Variants in TMEM156 observed in about 807,000 individuals in gnomAD.
The protein encoded by TMEM156 is transmembrane protein 156.
TMEM156 carries 28 observed loss-of-function variants against 30.5 expected under a neutral mutation model. The ratio of observed to expected loss-of-function variants is 0.92; its 90% CI spans 0.68 to 1.26. The LOEUF is 1.26. Among genes scored for constraint, TMEM156 ranks in the 50% most tolerant of loss-of-function variants. The probability of loss-of-function intolerance (pLI) is 0.00; values close to 1 mark genes in which losing one functional copy is unlikely to be tolerated. For synonymous variants in TMEM156, 137 were observed against 119.9 expected (o/e 1.14, Z -0.93); for missense variants, 351 against 340.6 (o/e 1.03, Z -0.24).
chr4:39,027,758 CTTTTTTTT>C (rs112766367), intron 1 of TMEM156, among the ~76,000 whole-genome samples: 1 of 120,770 alleles, frequency 8.3e-6, no homozygotes, highest in Non-Finnish European at 1.7e-5. Context: ...TTTTCTTTTT[CTTTTTTTT>C]TTTTTTTTGA....
intron 1 of TMEM156, among the ~76,000 whole-genome samples, chr4:39,015,199 A>T (rs1039439688): frequency 6.6e-6 from 1 of 151,966 alleles, no homozygotes; most frequent in Non-Finnish European, 1.5e-5. Flanking sequence ...TTTATTATTC[A>T]GTTTTGGCAG....
At chr4:38,968,438 A>G (rs1429954076) in intron 6 of TMEM156, among the ~76,000 whole-genome samples, 2 of 152,136 alleles carry the variant, frequency 1.3e-5, no homozygotes, top group Non-Finnish European at 2.9e-5. Context: ...TTGAGTCTTT[A>G]TTGGAATTAG....
At chr4:38,978,640 G>A (rs569700918) in intron 5 of TMEM156, among the ~76,000 whole-genome samples, 53 of 152,190 alleles carry the variant, frequency 3.5e-4, no homozygotes, top group South Asian at 8.3e-4. Context: ...ATCAGCACAC[G>A]ATCAGCACAC....
intron 4 of TMEM156, 80 bp from the exon 5 acceptor site, chr4:38,986,499 G>T (rs1397993349): frequency 1.8e-6 from 2 of 1,096,572 alleles, no homozygotes; most frequent in Non-Finnish European, 2.7e-6. Flanking sequence ...TGGTTCAAAG[G>T]ATTACCAAAA....
chr4:39,027,914 G>A (rs1375323731), intron 1 of TMEM156, among the ~76,000 whole-genome samples: 2 of 151,880 alleles, frequency 1.3e-5, no homozygotes, highest in Non-Finnish European at 2.9e-5. Flanking sequence ...GCACTGCCAT[G>A]CCCGGCTAAT....
intron 1 of TMEM156, among the ~76,000 whole-genome samples, chr4:39,018,355 T>G (rs928631797): frequency 7.2e-5 from 11 of 152,176 alleles, no homozygotes; most frequent in African/African-American, 2.4e-4. Context: ...ATTAGTTGAG[T>G]TTTTAAATTT....
chr4:38,970,939 A>G, intron 6 of TMEM156, 93 bp downstream of exon 6: 1 of 765,826 alleles, frequency 1.3e-6, no homozygotes, highest in Non-Finnish European at 2.1e-6. Flanking sequence ...TCTACCTCCT[A>G]CCAGATAGAA....
chr4:39,028,317 C>A (rs948330393), intron 1 of TMEM156: 18 of 152,284 alleles, frequency 1.2e-4, no homozygotes, highest in African/African-American at 4.1e-4. Flanking sequence ...TAATCGTCAT[C>A]ATTTCTTCTC....
intron 6 of TMEM156, among the ~76,000 whole-genome samples, chr4:38,970,561 T>A (rs1407166414): frequency 6.6e-6 from 1 of 152,080 alleles, no homozygotes; most frequent in Admixed American, 6.5e-5. Flanking sequence ...ATTTGATGAA[T>A]GAATAAAAAA....
chr4:39,000,381 G>T (rs1391430375), intron 1 of TMEM156, among the ~76,000 whole-genome samples: 1 of 152,104 alleles, frequency 6.6e-6, no homozygotes, highest in African/African-American at 2.4e-5. Context: ...AACAAAGGGA[G>T]ACCATGTCTC....
At chr4:38,978,894 C>CA (rs1723033946) in intron 5 of TMEM156, among the ~76,000 whole-genome samples, 1 of 152,090 alleles carries the variant, frequency 6.6e-6, no homozygotes, top group East Asian at 1.9e-4. Flanking sequence ...GGGATCCTCC[C>CA]ACCTGAGGCT....
At chr4:39,010,918 A>G (rs543988825) in intron 1 of TMEM156, among the ~76,000 whole-genome samples, 1 of 152,262 alleles carries the variant, frequency 6.6e-6, no homozygotes, top group African/African-American at 2.4e-5. Context: ...CAATTGGAAC[A>G]TTATTAAACT....
chr4:38,971,440 G>A (rs941137914), intron 5 of TMEM156, among the ~76,000 whole-genome samples: 1 of 152,190 alleles, frequency 6.6e-6, no homozygotes, highest in Non-Finnish European at 1.5e-5. Flanking sequence ...GAAACTGACT[G>A]CAAACATTTT....
At chr4:39,016,289 C>T (rs1714476201) in intron 1 of TMEM156, among the ~76,000 whole-genome samples, 1 of 151,476 alleles carries the variant, frequency 6.6e-6, no homozygotes, top group Admixed American at 6.6e-5. Flanking sequence ...AGGAGAATTG[C>T]TTGAACCCGG....
At chr4:39,021,635 T>G in intron 1 of TMEM156, among the ~76,000 whole-genome samples, 1 of 152,200 alleles carries the variant, frequency 6.6e-6, no homozygotes, top group East Asian at 1.9e-4. Context: ...CAGAAGATTT[T>G]TAGTTTGATA....
chr4:38,967,737 G>A (rs538394865), intron 6 of TMEM156, 96 bp from the exon 7 acceptor site: 58 of 152,316 alleles, frequency 3.8e-4, no homozygotes, highest in African/African-American at 1.3e-3. Context: ...TTTTAAAACC[G>A]TTTGTTAAAA....
intron 2 of TMEM156, among the ~76,000 whole-genome samples, chr4:38,996,264 A>G (rs1476066661): frequency 3.1e-5 from 4 of 127,774 alleles, no homozygotes; most frequent in Non-Finnish European, 6.5e-5. Flanking sequence ...ATTACTAAGA[A>G]AAAAAAAAAA....
chr4:39,001,214 CAAAAAAAAA>C (rs34945666), intron 1 of TMEM156, among the ~76,000 whole-genome samples: 1 of 115,096 alleles, frequency 8.7e-6, no homozygotes, highest in Non-Finnish European at 1.7e-5. Flanking sequence ...ACTAAAAATA[CAAAAAAAAA>C]AAAAAAAGAA....
chr4:38,992,711 ATT>A (rs1491391051), intron 3 of TMEM156, among the ~76,000 whole-genome samples: 2 of 43,990 alleles, frequency 4.5e-5, no homozygotes, highest in African/African-American at 1.4e-4. Flanking sequence ...ATATATATAT[ATT>A]ATATATATAT....
Sources: gnomAD v4.1 joint callset for allele counts (sites outside exome capture counted in the v4.1 genomes callset) on GRCh38, gnomAD v4.1.1 for gene constraint, MANE v1.5 for transcripts, NCBI Gene and HGNC (gene_info 2026-07-23, HGNC 2026-07-21) for gene names.